The following ANKS1B variants were observed in gnomAD, a reference collection of about 807,000 sequenced individuals.
The protein encoded by ANKS1B is ankyrin repeat and sterile alpha motif domain containing 1B, also known as ankyrin repeat and sterile alpha motif domain-containing protein 1B.
A neutral mutation model predicts 148.3 loss-of-function variants in ANKS1B; 36 were observed. That is an observed-to-expected ratio of 0.24 (90% confidence interval 0.19 to 0.32). The LOEUF (loss-of-function observed/expected upper bound fraction) is 0.32, where lower values mean the gene tolerates loss of function less well. ANKS1B is among the 10% of genes least tolerant of loss of function. The pLI is 1.00. For missense variants in ANKS1B, 1,157 were observed against 1,542.6 expected, an observed-to-expected ratio of 0.75 and a Z score of 4.19; for synonymous variants, 542 against 560.8, an observed-to-expected ratio of 0.97 and a Z score of 0.47.
intron 14 of ANKS1B, among the ~76,000 whole-genome samples, chr12:99,160,718 T>C (rs1566518713): frequency 1.3e-5 from 2 of 152,124 alleles, no homozygotes; most frequent in East Asian, 1.9e-4. Flanking sequence ...GTTTTGTATA[T>C]GGTCAAAGGT....
intron 8 of ANKS1B, among the ~76,000 whole-genome samples, chr12:99,697,767 G>A (rs2054158256): frequency 6.6e-6 from 1 of 152,082 alleles, no homozygotes; most frequent in South Asian, 2.1e-4. Flanking sequence ...ATCAATATCA[G>A]TTGAACAATT....
At chr12:99,128,453 T>G (rs2065069761) in intron 15 of ANKS1B, among the ~76,000 whole-genome samples, 1 of 152,120 alleles carries the variant, frequency 6.6e-6, no homozygotes, top group Non-Finnish European at 1.5e-5. Context: ...TACAGAAGGA[T>G]GCCTTCCTCT....
rs1162599907 is a variant in ANKS1B at position 99,742,741 on chromosome 12, G to A, written c.1128+30181C>T. ...TAATCCCAGCTACTCAGGAGGCTGA[G>A]GCAGGAGAATCTCTTGAACCCGGGA... On this transcript the variant is annotated intron_variant, in intron 8 of 26. Coordinates refer to ENST00000683438, the MANE Select transcript of ANKS1B (RefSeq NM_001352186.2). 7.3e-5 allele frequency among the ~76,000 whole-genome samples: 11 copies of A among 151,638 alleles called. No individual in the cohort carries two copies. The South Asian group carries it at 2.1e-3, about 29-fold the overall frequency.
At chr12:99,269,582 G>A (rs1264647598) in intron 12 of ANKS1B, among the ~76,000 whole-genome samples, 1 of 151,676 alleles carries the variant, frequency 6.6e-6, no homozygotes, top group Non-Finnish European at 1.5e-5. Context: ...TATTTGAGAC[G>A]GAGTCTCACT....
intron 10 of ANKS1B, among the ~76,000 whole-genome samples, chr12:99,503,344 T>A (rs773141557): frequency 2.0e-5 from 3 of 152,194 alleles, no homozygotes; most frequent in Non-Finnish European, 4.4e-5. Flanking sequence ...AGAAATTGAA[T>A]CCATTTGAAA....
chr12:99,145,347 T>C (rs2072660924), intron 15 of ANKS1B, among the ~76,000 whole-genome samples: 1 of 152,036 alleles, frequency 6.6e-6, no homozygotes, highest in African/African-American at 2.4e-5. Context: ...TGTAGAACTG[T>C]AAGTAATCCA....
At chr12:99,101,074 G>T (rs1233374447) in intron 15 of ANKS1B, among the ~76,000 whole-genome samples, 1 of 152,188 alleles carries the variant, frequency 6.6e-6, no homozygotes, top group Non-Finnish European at 1.5e-5. Flanking sequence ...TATAGTGAGA[G>T]TGAAAACCAG....
chr12:99,617,329 C>T lies in ANKS1B; in HGVS notation c.1272+37738G>A, dbSNP rs184245935. On this transcript the variant is annotated intron_variant, in intron 9 of 26. Transcript: ENST00000683438. ...AGTATTATAAATCATTCCACTATGACGACACACATGGATGTTTATTGTAGC... is the reference window on the plus strand; with the variant it reads ...AGTATTATAAATCATTCCACTATGATGACACACATGGATGTTTATTGTAGC... 6.6e-5 allele frequency among the ~76,000 whole-genome samples: 10 copies of T among 151,372 alleles called. No individual in the cohort carries two copies. The East Asian group carries it at 1.4e-3, about 21-fold the overall frequency.
intron 12 of ANKS1B, among the ~76,000 whole-genome samples, chr12:99,319,475 A>T (rs1408735723): frequency 6.6e-6 from 1 of 152,178 alleles, no homozygotes; most frequent in African/African-American, 2.4e-5. Context: ...CTGTTTTATC[A>T]GAGACTAGGA....
intron 10 of ANKS1B, among the ~76,000 whole-genome samples, chr12:99,451,038 C>T (rs1380593196): frequency 6.6e-6 from 1 of 152,148 alleles, no homozygotes; most frequent in Non-Finnish European, 1.5e-5. Context: ...GTTTTACATG[C>T]TCAACCTACA....
At chr12:98,820,277 C>T (rs574099816) in intron 19 of ANKS1B, among the ~76,000 whole-genome samples, 38 of 152,194 alleles carry the variant, frequency 2.5e-4, no homozygotes, top group African/African-American at 6.5e-4. Flanking sequence ...ATTTTTGTGG[C>T]CGTGGGCAAG....
At chr12:98,737,367 T>C (rs1015499503) in intron 9 of ANKS1B, among the ~76,000 whole-genome samples, 1 of 152,228 alleles carries the variant, frequency 6.6e-6, no homozygotes, top group Admixed American at 6.5e-5. Context: ...ACTCCCTATG[T>C]TTCACAAATT....
At chr12:98,957,705 G>C (rs1422362986) in intron 17 of ANKS1B, among the ~76,000 whole-genome samples, 8 of 152,084 alleles carry the variant, frequency 5.3e-5, no homozygotes, top group Admixed American at 4.6e-4. Flanking sequence ...GGGGTGCTAG[G>C]AAACTTGTCT....
At chr12:99,291,556 T>C (rs972672090) in intron 12 of ANKS1B, among the ~76,000 whole-genome samples, 3 of 152,032 alleles carry the variant, frequency 2.0e-5, no homozygotes, top group African/African-American at 7.2e-5. Context: ...CATAGACCAA[T>C]GGAACAGAAC....
chr12:98,953,536 G>GTT (rs1567984307), intron 17 of ANKS1B, among the ~76,000 whole-genome samples: 1 of 94,338 alleles, frequency 1.1e-5, no homozygotes, highest in African/African-American at 5.5e-5. Flanking sequence ...AATCTAGAGT[G>GTT]GTTTTTTTTT....
chr12:99,798,424 A>T (rs2066507072), intron 4 of ANKS1B, among the ~76,000 whole-genome samples: 4 of 66,516 alleles, frequency 6.0e-5, no homozygotes, highest in Non-Finnish European at 1.2e-4. Context: ...TCTTGGAATT[A>T]AAAAAAAAAA....
intron 2 of ANKS1B, among the ~76,000 whole-genome samples, chr12:99,822,335 C>T (rs531906550): frequency 1.3e-5 from 2 of 152,226 alleles, no homozygotes; most frequent in South Asian, 4.1e-4. Flanking sequence ...GACACATGTG[C>T]AACTTTTATT....
Position 98,911,333 on chromosome 12 carries a change from T to C in ANKS1B, c.2779-79197A>G, listed in dbSNP as rs150533903. On this transcript the variant is annotated intron_variant, in intron 17 of 26. Coordinates refer to ENST00000683438, the MANE Select transcript of ANKS1B (RefSeq NM_001352186.2). ...GTCTTCAGGGACCTAAAGAAAGCATTATACAGCCCTGAGGAGGTTTGGGTG... is the reference window on the plus strand; with the variant it reads ...GTCTTCAGGGACCTAAAGAAAGCATCATACAGCCCTGAGGAGGTTTGGGTG... Among the ~76,000 whole-genome samples, 834 of 152,224 alleles carry C rather than the reference T, an allele frequency of 5.5e-3. 10 individuals carry two copies. Among genetic ancestry groups the C allele is most frequent in the African/African-American group, 0.019 (796 of 41,534 alleles).
intron 9 of ANKS1B, among the ~76,000 whole-genome samples, chr12:99,641,472 T>C (rs972400945): frequency 1.2e-4 from 18 of 152,266 alleles, no homozygotes; most frequent in African/African-American, 4.3e-4. Flanking sequence ...ATGAGGAGGG[T>C]ATGATGTTTA....
Sources: allele counts gnomAD v4.1 joint callset (sites outside exome capture counted in the v4.1 genomes callset), GRCh38; gene constraint gnomAD v4.1.1; transcripts MANE v1.5; gene names NCBI Gene and HGNC (gene_info 2026-07-23, HGNC 2026-07-21).